Variants in ARL15 observed in about 807,000 individuals in gnomAD.
ARL15 encodes ARF like GTPase 15.
Under a neutral mutation model 25.2 loss-of-function variants are expected in ARL15, and 19 were observed. The ratio of observed to expected loss-of-function variants is 0.75; its 90% CI spans 0.53 to 1.10. The LOEUF is 1.10. ARL15 is among the 50% of genes least tolerant of loss of function. ARL15 has a pLI of 0.00. For missense variants in ARL15, 220 were observed against 246.0 expected (o/e 0.89, Z 0.71); for synonymous variants, 94 against 86.8 (o/e 1.08, Z -0.46).
chr5:54,033,091 G>T (rs535137209), intron 4 of ARL15, among the ~76,000 whole-genome samples: 1 of 152,166 alleles, frequency 6.6e-6, no homozygotes, highest in African/African-American at 2.4e-5. Context: ...ACTTTGGGAG[G>T]CTGAGGCGGG....
At chr5:53,969,731 A>C (rs1263968087) in intron 4 of ARL15, among the ~76,000 whole-genome samples, 9 of 152,298 alleles carry the variant, frequency 5.9e-5, no homozygotes, top group Admixed American at 4.6e-4. Context: ...TTGTGAGTTG[A>C]CAATTTTCCT....
intron 1 of ARL15, among the ~76,000 whole-genome samples, chr5:54,271,869 C>G (rs533768047): frequency 1.2e-4 from 19 of 152,152 alleles, no homozygotes; most frequent in Admixed American, 4.6e-4. Context: ...AGATTCTCCT[C>G]TGCCTATGTA....
intron 1 of ARL15, among the ~76,000 whole-genome samples, chr5:54,235,495 CTTT>C (rs35079877): frequency 6.9e-6 from 1 of 145,706 alleles, no homozygotes; most frequent in Admixed American, 6.8e-5. Context: ...ATAGTTAAAC[CTTT>C]TTTTTTTTTT....
intron 4 of ARL15, among the ~76,000 whole-genome samples, chr5:54,047,436 C>A (rs1750557059): frequency 6.6e-6 from 1 of 152,080 alleles, no homozygotes; most frequent in African/African-American, 2.4e-5. Context: ...GGATGTGGGG[C>A]TGGGGGTAGG....
rs575286322 is a variant in ARL15, at chr5:54,066,235, C to T, written c.462+46967G>A. Among the ~76,000 whole-genome samples, 10 of 152,170 alleles carry T rather than the reference C, an allele frequency of 6.6e-5. 1 individual carries two copies. The South Asian group carries it at 1.7e-3, about 25-fold the overall frequency. ...CACATGGAACTAGAAAGGCCTAAGC[C>T]CCCATTTGCCAACAGAAAAGGTAGG... On this transcript the variant is annotated intron_variant, in intron 4 of 4. Coordinates refer to ENST00000504924, the MANE Select transcript of ARL15 (RefSeq NM_019087.3).
chr5:54,257,390 T>A (rs1378916110), intron 1 of ARL15, among the ~76,000 whole-genome samples: 1 of 152,100 alleles, frequency 6.6e-6, no homozygotes, highest in Non-Finnish European at 1.5e-5. Flanking sequence ...AGCAGAAGGA[T>A]CAAAGCCAAC....
At chr5:54,038,327 T>C (rs1750234202) in intron 4 of ARL15, among the ~76,000 whole-genome samples, 1 of 152,172 alleles carries the variant, frequency 6.6e-6, no homozygotes, top group South Asian at 2.1e-4. Context: ...CTTAGCAGTC[T>C]AGACTAAATA....
chr5:54,068,758 G>A (rs1751324917), intron 4 of ARL15, among the ~76,000 whole-genome samples: 1 of 152,176 alleles, frequency 6.6e-6, no homozygotes, highest in South Asian at 2.1e-4. Context: ...ATGATACCCT[G>A]AACAGGCTCT....
chr5:53,904,859 C>A (rs1745189646), intron 4 of ARL15, among the ~76,000 whole-genome samples: 1 of 150,792 alleles, frequency 6.6e-6, no homozygotes, highest in Non-Finnish European at 1.5e-5. Context: ...TCCTGAGTAG[C>A]TGGGATTACA....
chr5:54,148,441 A>G (rs1239559759), intron 3 of ARL15, among the ~76,000 whole-genome samples: 9 of 152,290 alleles, frequency 5.9e-5, no homozygotes, highest in Non-Finnish European at 2.9e-5. Context: ...TTCAATCACT[A>G]TTGCATGGGC....
chr5:54,115,176 G>A (rs756704777), intron 3 of ARL15, among the ~76,000 whole-genome samples: 64 of 152,264 alleles, frequency 4.2e-4, no homozygotes, highest in South Asian at 1.0e-3. Context: ...ATGACACTGA[G>A]CAGCTTATAT....
At chr5:53,969,618 A>T (rs981491060) in intron 4 of ARL15, among the ~76,000 whole-genome samples, 1 of 152,184 alleles carries the variant, frequency 6.6e-6, no homozygotes, top group African/African-American at 2.4e-5. Context: ...TCCTATTTTC[A>T]GTCATCTTTT....
chr5:54,139,135 C>A (rs1753695116), intron 3 of ARL15, among the ~76,000 whole-genome samples: 1 of 152,108 alleles, frequency 6.6e-6, no homozygotes, highest in Non-Finnish European at 1.5e-5. Context: ...GGTATATCTA[C>A]CATTCGATCC....
intron 3 of ARL15, among the ~76,000 whole-genome samples, chr5:54,149,267 C>T (rs573918359): frequency 3.3e-5 from 5 of 152,226 alleles, no homozygotes; most frequent in South Asian, 2.1e-4. Context: ...TTGATATTAA[C>T]GCACGCACAG....
chr5:54,029,333 TACCACCACCACCACCACCACCACCACC>T lies in ARL15; in HGVS notation c.462+83842_462+83868del, dbSNP rs34152775. On this transcript the variant is annotated intron_variant, in intron 4 of 4. Transcript: ENST00000504924. The stretch of plus-strand genomic sequence containing the variant: ...CCACCACCACCACCACCACCACCAC[TACCACCACCACCACCACCACCACCACC>T]ACCACCACCACCACCACTACACCTA... Among the ~76,000 whole-genome samples the T allele has an allele frequency of 1.6e-3, 149 of 94,684 alleles. 2 individuals carry two copies. Among genetic ancestry groups the T allele is most frequent in the South Asian group, 6.0e-3 (18 of 3,018 alleles). The allele number at this position is 94,684 out of a possible 152,430, so 62.1% of individuals were successfully genotyped here.
chr5:54,040,468 C>T (rs987926085), intron 4 of ARL15, among the ~76,000 whole-genome samples: 1 of 152,128 alleles, frequency 6.6e-6, no homozygotes, highest in East Asian at 1.9e-4. Flanking sequence ...TCATATTTCT[C>T]TTAGTCTTAT....
chr5:54,219,772 A>G (rs1266006546), intron 1 of ARL15, among the ~76,000 whole-genome samples: 1 of 152,242 alleles, frequency 6.6e-6, no homozygotes, highest in Non-Finnish European at 1.5e-5. Context: ...CAAAAATCAC[A>G]CTTCCAAAAA....
intron 4 of ARL15, among the ~76,000 whole-genome samples, chr5:54,078,232 A>G (rs2112099057): frequency 6.6e-6 from 1 of 152,282 alleles, no homozygotes; most frequent in African/African-American, 2.4e-5. Context: ...TTACATTGTA[A>G]TCAACTGAAA....
intron 4 of ARL15, among the ~76,000 whole-genome samples, chr5:53,930,992 T>C (rs569278452): frequency 4.1e-4 from 62 of 152,282 alleles, no homozygotes; most frequent in Non-Finnish European, 6.6e-4. Context: ...TCCTAACAAT[T>C]GAGTCAAGGG....
Sources: allele counts gnomAD v4.1 joint callset (sites outside exome capture counted in the v4.1 genomes callset), GRCh38; gene constraint gnomAD v4.1.1; transcripts MANE v1.5; gene names NCBI Gene and HGNC (gene_info 2026-07-23, HGNC 2026-07-21).